DNAH7: variants seen among roughly 807,000 people sequenced by gnomAD.
DNAH7 encodes axonemal beta dynein heavy chain 7.
A neutral mutation model predicts 444.6 loss-of-function variants in DNAH7; 397 were observed. The ratio of observed to expected loss-of-function variants is 0.89; its 90% confidence interval spans 0.82 to 0.97. DNAH7 has a LOEUF of 0.97. DNAH7 is among the 50% of genes least tolerant of loss of function. The pLI is 0.00. For missense variants in DNAH7, 4,902 were observed against 4,800.8 expected (o/e 1.02, Z -0.62); for synonymous variants, 1,636 against 1,624.4 (o/e 1.01, Z -0.17).
intron 15 of DNAH7, among the ~76,000 whole-genome samples, chr2:195,975,623 C>A (rs1358262673): frequency 6.6e-6 from 1 of 152,172 alleles, no homozygotes; most frequent in East Asian, 1.9e-4. Context: ...CCCCCAACCC[C>A]AGGCAGCACA....
Position 195,824,240 on chromosome 2 carries a change from A to G in DNAH7, c.9291+15T>C, listed in dbSNP as rs537563842. On this transcript the variant is annotated intron_variant, in intron 49 of 64. Coordinates refer to ENST00000312428, the MANE Select transcript of DNAH7 (RefSeq NM_018897.3). ...TACAAAATCTGATAAAGAAACATTCATTTTATATACTGGCCTTTACTGATG... is the reference window on the plus strand; with the variant it reads ...TACAAAATCTGATAAAGAAACATTCGTTTTATATACTGGCCTTTACTGATG... 6.3e-7 allele frequency: 1 copy of G among 1,588,814 alleles called. No individual in the cohort carries two copies. Among genetic ancestry groups the G allele is most frequent in the South Asian group, 1.2e-5 (1 of 86,516 alleles).
intron 48 of DNAH7, among the ~76,000 whole-genome samples, chr2:195,827,471 G>A (rs1057002455): frequency 3.9e-5 from 6 of 152,088 alleles, no homozygotes; most frequent in Non-Finnish European, 8.8e-5. Flanking sequence ...TAAAGACAGG[G>A]CTTCACCATG....
At chr2:195,932,203 C>T (rs1688746670) in intron 21 of DNAH7, among the ~76,000 whole-genome samples, 1 of 152,142 alleles carries the variant, frequency 6.6e-6, no homozygotes, top group Non-Finnish European at 1.5e-5. Flanking sequence ...TGGGAATTCA[C>T]TCATGATTTG....
At chr2:195,778,963 C>A (rs1695242391) in intron 58 of DNAH7, among the ~76,000 whole-genome samples, 1 of 151,566 alleles carries the variant, frequency 6.6e-6, no homozygotes, top group East Asian at 1.9e-4. Flanking sequence ...CCTGCCTCAG[C>A]CTCCCGAGTA....
At chr2:195,739,488 T>C (rs1041060953) in intron 64 of DNAH7, among the ~76,000 whole-genome samples, 3 of 152,240 alleles carry the variant, frequency 2.0e-5, no homozygotes, top group African/African-American at 7.2e-5. Flanking sequence ...CATGATGCAG[T>C]TATAGATTGA....
intron 16 of DNAH7, among the ~76,000 whole-genome samples, chr2:195,970,666 T>G (rs1263912919): frequency 4.6e-5 from 7 of 152,198 alleles, no homozygotes; most frequent in African/African-American, 1.7e-4. Context: ...AGTGTTCTAA[T>G]ATAAGATAGG....
At chr2:195,941,452 A>C (rs1279132308) in intron 19 of DNAH7, among the ~76,000 whole-genome samples, 6 of 113,834 alleles carry the variant, frequency 5.3e-5, no homozygotes, top group East Asian at 2.5e-4. Flanking sequence ...CCTAGATGAC[A>C]AAAAAAAAAA....
At chr2:195,802,448 C>A (rs960645645) in intron 54 of DNAH7, among the ~76,000 whole-genome samples, 7 of 151,988 alleles carry the variant, frequency 4.6e-5, no homozygotes, top group South Asian at 2.1e-4. Flanking sequence ...TGCAATGAGT[C>A]GAGATTATGC....
At chr2:195,886,901 G>A (rs1460051430) in intron 33 of DNAH7, among the ~76,000 whole-genome samples, 3 of 152,146 alleles carry the variant, frequency 2.0e-5, no homozygotes, top group African/African-American at 7.2e-5. Context: ...ATTGTTTGGT[G>A]ATTAACAAGT....
At chr2:196,056,709 T>C (rs375501129) in intron 2 of DNAH7, among the ~76,000 whole-genome samples, 10 of 152,342 alleles carry the variant, frequency 6.6e-5, no homozygotes, top group African/African-American at 2.2e-4. Flanking sequence ...ATCAACTTGA[T>C]AGCCCATGGT....
At chr2:196,020,090 C>T (rs574042363) in intron 8 of DNAH7, among the ~76,000 whole-genome samples, 1 of 152,188 alleles carries the variant, frequency 6.6e-6, no homozygotes, top group South Asian at 2.1e-4. Context: ...TATATTTTCT[C>T]TTTCTTATGA....
At chr2:196,010,509 T>A (rs1442844568) in intron 10 of DNAH7, among the ~76,000 whole-genome samples, 1 of 152,096 alleles carries the variant, frequency 6.6e-6, no homozygotes, top group East Asian at 1.9e-4. Flanking sequence ...GAGAGAACAC[T>A]ACAGAGGTTC....
At chr2:195,814,666 CCAGTAGTGAAAAG>C (rs1239036374) in intron 51 of DNAH7, among the ~76,000 whole-genome samples, 1 of 152,132 alleles carries the variant, frequency 6.6e-6, no homozygotes, top group African/African-American at 2.4e-5. Context: ...GAAATTAAGA[CCAGTAGTGAAAAG>C]CAGAGCATTA....
intron 40 of DNAH7, among the ~76,000 whole-genome samples, chr2:195,865,643 C>A (rs897027421): frequency 6.6e-6 from 1 of 152,124 alleles, no homozygotes; most frequent in African/African-American, 2.4e-5. Context: ...AGGCTTGCTA[C>A]ATGTAGCAAC....
intron 40 of DNAH7, among the ~76,000 whole-genome samples, chr2:195,871,515 A>G (rs1700687421): frequency 6.6e-6 from 1 of 151,834 alleles, no homozygotes; most frequent in South Asian, 2.1e-4. Flanking sequence ...GCTTAAATAC[A>G]TTTTTATATA....
chr2:195,738,280 A>AAAAC (rs1159819064), intron 64 of DNAH7, among the ~76,000 whole-genome samples, 153 bp from the exon 65 acceptor site: 1 of 152,234 alleles, frequency 6.6e-6, no homozygotes, highest in Non-Finnish European at 1.5e-5. Context: ...GTGATTGCTC[A>AAAAC]AAACATTTTA....
chr2:195,980,085 A>AT (rs1692470540), intron 15 of DNAH7, among the ~76,000 whole-genome samples: 2 of 125,804 alleles, frequency 1.6e-5, no homozygotes, highest in Non-Finnish European at 1.7e-5. Flanking sequence ...AAAAAAAAAA[A>AT]ACTAGAGGAG....
chr2:195,802,694 A>T (rs1479729517), intron 54 of DNAH7, among the ~76,000 whole-genome samples: 2 of 151,738 alleles, frequency 1.3e-5, no homozygotes, highest in Admixed American at 6.7e-5. Context: ...CAAAAAGGAA[A>T]AACAAAAAAA....
At chr2:195,941,238 G>A (rs1689416643) in intron 19 of DNAH7, among the ~76,000 whole-genome samples, 1 of 152,046 alleles carries the variant, frequency 6.6e-6, no homozygotes, top group Non-Finnish European at 1.5e-5. Context: ...AGATGAAGCT[G>A]GAAGCCATCA....
Sources: allele counts gnomAD v4.1 joint callset (sites outside exome capture counted in the v4.1 genomes callset), GRCh38; gene constraint gnomAD v4.1.1; transcripts MANE v1.5; gene names NCBI Gene and HGNC (gene_info 2026-07-23, HGNC 2026-07-21).